Variants in DNAH11 observed in about 807,000 individuals in gnomAD.
DNAH11 encodes the protein axonemal beta dynein heavy chain 11.
A neutral mutation model predicts 526.0 loss-of-function variants in DNAH11; 442 were observed. That is an observed-to-expected ratio of 0.84 (90% CI 0.78 to 0.91). The LOEUF is 0.91. DNAH11 is among the 40% of genes least tolerant of loss of function. The pLI is 0.00. For synonymous variants in DNAH11, 2,461 were observed against 1,935.9 expected, an observed-to-expected ratio of 1.27 and a Z score of -7.12; for missense variants, 6,989 against 5,448.7, an observed-to-expected ratio of 1.28 and a Z score of -8.90.
chr7:21,759,283 C>CA (rs1405511872), intron 54 of DNAH11, among the ~76,000 whole-genome samples: 2 of 152,070 alleles, frequency 1.3e-5, no homozygotes, highest in Non-Finnish European at 2.9e-5. Flanking sequence ...TTACCTCTAG[C>CA]AAAAATCTGT....
chr7:21,736,866 A>G (rs1464214593), intron 46 of DNAH11, among the ~76,000 whole-genome samples: 2 of 152,178 alleles, frequency 1.3e-5, no homozygotes, highest in Admixed American at 6.5e-5. Flanking sequence ...CAGAAAATAC[A>G]TATTATTTAC....
chr7:21,700,584 T>C (rs1784013803), intron 36 of DNAH11, among the ~76,000 whole-genome samples: 1 of 152,140 alleles, frequency 6.6e-6, no homozygotes. Flanking sequence ...AGAAACACCA[T>C]TTGACCCAGC....
chr7:21,704,429 T>C lies in DNAH11; in HGVS notation c.6274-5T>C, dbSNP rs74365849. ...GGCTTTTTTATAAAATGTTTTTTTT[T>C]CTAGGTACTCATGAGAGCATTAAGG... On this transcript the variant is annotated splice_region_variant and splice_polypyrimidine_tract_variant and intron_variant, in intron 37 of 81. Transcript: ENST00000409508. The C allele has an allele frequency of 2.7e-4, 436 of 1,606,972 alleles. 1 individual carries two copies. In the Middle Eastern group the frequency reaches 3.0e-3, roughly 11 times the overall value.
intron 76 of DNAH11, 56 bp downstream of exon 76, chr7:21,884,466 T>G (rs1784047670): frequency 6.6e-7 from 1 of 1,514,092 alleles, no homozygotes; most frequent in Non-Finnish European, 8.9e-7. Context: ...AAAATTCTGG[T>G]AAGAATTTTA....
At chr7:21,823,250 T>A (rs535565703) in intron 65 of DNAH11, among the ~76,000 whole-genome samples, 17 of 152,182 alleles carry the variant, frequency 1.1e-4, no homozygotes, top group African/African-American at 2.9e-4. Flanking sequence ...TTTTTATGAG[T>A]GCCATTTTAC....
chr7:21,571,912 T>C lies in DNAH11; in HGVS notation c.1532T>C (p.Leu511Pro), dbSNP rs1369393914. 6.2e-7 allele frequency: 1 copy of C among 1,611,990 alleles called. No individual in the cohort carries two copies. The highest frequency in any genetic ancestry group is 1.1e-5 in the South Asian group (1 of 90,596). ...CAAGTCCACGAGATGAGTGAAGAAC[T>C]TATGGAACTCTGTAAACTTTTTAAA... ...NGQVHEMSEE[L>P]MELCKLFKQS... The change falls in exon 8 of 82, where the codon CTT (leucine) becomes CCT (proline). Residue 511 changes from leucine (L) to proline (P), a missense_variant. By Grantham distance (98) the Leu-to-Pro change is moderately conservative. Transcript: ENST00000409508.
intron 65 of DNAH11, among the ~76,000 whole-genome samples, chr7:21,835,176 A>G (rs76546236): frequency 0.032 from 4,881 of 151,488 alleles, 280 homozygotes; most frequent in East Asian, 0.28. Flanking sequence ...GCAGAATTCT[A>G]TCAAACATTT....
In DNAH11 at chr7:21,561,006, G is replaced by T. The variant is rs899282600; in HGVS notation, c.883-65G>T. The T allele has an allele frequency of 3.6e-5, 38 of 1,065,130 alleles. No individual in the cohort carries two copies. The African/African-American group carries it at 4.7e-4, about 13-fold the overall frequency. The allele number at this position is 1,065,130 out of a possible 1,614,324, so 66.0% of individuals were successfully genotyped here. A position where few individuals can be genotyped will look rare whatever the true frequency, so the allele number is the denominator to read the frequency against. ...AATGGAATTTAAATATTTTATTACAGAATGCATGTATTTAGTAATCGAGTT... is the reference window on the plus strand; with the variant it reads ...AATGGAATTTAAATATTTTATTACATAATGCATGTATTTAGTAATCGAGTT... On this transcript the variant is annotated intron_variant, in intron 4 of 81. Transcript: ENST00000409508.
At chr7:21,806,781 A>G (rs1312644763) in intron 62 of DNAH11, among the ~76,000 whole-genome samples, 1 of 152,218 alleles carries the variant, frequency 6.6e-6, no homozygotes, top group Non-Finnish European at 1.5e-5. Flanking sequence ...CAGTCAATCC[A>G]TACATATTTA....
chr7:21,813,725 A>G (rs957699190), intron 63 of DNAH11, among the ~76,000 whole-genome samples: 2 of 152,142 alleles, frequency 1.3e-5, no homozygotes, highest in African/African-American at 4.8e-5. Flanking sequence ...GCTCCACCTC[A>G]TAGTAACATC....
chr7:21,618,972 A>G, intron 23 of DNAH11, 128 bp from the exon 24 acceptor site: 1 of 1,212,806 alleles, frequency 8.2e-7, no homozygotes, highest in Non-Finnish European at 1.2e-6. Flanking sequence ...CACGTATTTC[A>G]AGACGAGAGA....
chr7:21,687,716 C>T (rs558099543), intron 34 of DNAH11, among the ~76,000 whole-genome samples, 189 bp downstream of exon 34: 5 of 152,134 alleles, frequency 3.3e-5, no homozygotes, highest in African/African-American at 7.2e-5. Context: ...GTGTTGAGTA[C>T]AACACATGTA....
intron 9 of DNAH11, among the ~76,000 whole-genome samples, chr7:21,583,415 T>G (rs1784380643): frequency 6.6e-6 from 1 of 152,194 alleles, no homozygotes; most frequent in Non-Finnish European, 1.5e-5. Flanking sequence ...ACCTCTTCCT[T>G]ACACCTTATA....
At chr7:21,765,299 C>G in intron 54 of DNAH11, 129 bp from the exon 55 acceptor site, 1 of 1,365,776 alleles carries the variant, frequency 7.3e-7, no homozygotes, top group South Asian at 1.3e-5. Context: ...GCTGTCCACT[C>G]TCTAGGGCTT....
intron 8 of DNAH11, among the ~76,000 whole-genome samples, chr7:21,580,739 T>C (rs1341059159): frequency 2.0e-5 from 3 of 152,182 alleles, no homozygotes; most frequent in African/African-American, 7.2e-5. Context: ...CCCACACTTA[T>C]TACCTAGTCA....
At chr7:21,596,902 G>T (rs1784881853) in intron 14 of DNAH11, among the ~76,000 whole-genome samples, 1 of 152,146 alleles carries the variant, frequency 6.6e-6, no homozygotes, top group Non-Finnish European at 1.5e-5. Context: ...TCCATAAGTT[G>T]GGTCTTTTAA....
chr7:21,884,097 A>G (rs761667003), intron 75 of DNAH11, among the ~76,000 whole-genome samples, 194 bp from the exon 76 acceptor site: 1 of 152,356 alleles, frequency 6.6e-6, no homozygotes, highest in Admixed American at 6.5e-5. Flanking sequence ...TTCACTGACT[A>G]TATTAGAAGA....
At chr7:21,875,593 C>T (rs1376043937) in intron 74 of DNAH11, among the ~76,000 whole-genome samples, 2 of 152,074 alleles carry the variant, frequency 1.3e-5, no homozygotes, top group Non-Finnish European at 2.9e-5. Context: ...CCCAGGAGTT[C>T]GAGGCTGCAG....
intron 7 of DNAH11, among the ~76,000 whole-genome samples, chr7:21,571,055 T>C (rs1437847082): frequency 2.0e-5 from 3 of 152,150 alleles, no homozygotes; most frequent in Middle Eastern, 3.2e-3. Context: ...GCCTCTTCTG[T>C]CTCTGAATGT....
Sources: allele counts gnomAD v4.1 joint callset (sites outside exome capture counted in the v4.1 genomes callset), GRCh38; gene constraint gnomAD v4.1.1; transcripts MANE v1.5; gene names NCBI Gene and HGNC (gene_info 2026-07-23, HGNC 2026-07-21).